ABCG2: variants seen among roughly 807,000 people sequenced by gnomAD.
ABCG2 encodes broad substrate specificity ATP-binding cassette transporter ABCG2.
ABCG2 carries 80 observed loss-of-function variants against 73.5 expected under a neutral mutation model. That is an observed-to-expected ratio of 1.09 (90% CI 0.91 to 1.31). The LOEUF (loss-of-function observed/expected upper bound fraction) is 1.31. Among genes scored for constraint, ABCG2 ranks in the 50% most tolerant of loss-of-function variants. The pLI, the probability that ABCG2 is intolerant of heterozygous loss-of-function variation, is 0.00. For missense variants in ABCG2, 796 were observed against 786.2 expected (o/e 1.01, Z -0.15); for synonymous variants, 269 against 282.4 (o/e 0.95, Z 0.48).
At chr4:88,125,141 A>C (rs1488860151) in intron 5 of ABCG2, among the ~76,000 whole-genome samples, 5 of 151,288 alleles carry the variant, frequency 3.3e-5, no homozygotes, top group Non-Finnish European at 4.4e-5. Context: ...AAATACAAAA[A>C]ATTAGCTGGG....
chr4:88,143,342 T>C (rs1725768545), intron 1 of ABCG2, among the ~76,000 whole-genome samples: 1 of 152,170 alleles, frequency 6.6e-6, no homozygotes, highest in African/African-American at 2.4e-5. Flanking sequence ...AGCAATCACT[T>C]CTTCTACTGC....
intron 1 of ABCG2, among the ~76,000 whole-genome samples, chr4:88,230,715 C>A (rs1195221884): frequency 6.6e-6 from 1 of 152,120 alleles, no homozygotes; most frequent in Admixed American, 6.5e-5. Context: ...CAATGCCCAA[C>A]CCCTTCCAAA....
intron 1 of ABCG2, among the ~76,000 whole-genome samples, chr4:88,208,780 T>G (rs1014855002): frequency 1.3e-5 from 2 of 152,204 alleles, no homozygotes; most frequent in Admixed American, 6.5e-5. Flanking sequence ...ATTGAATCCA[T>G]AAATATGGCC....
Position 88,125,619 on chromosome 4 carries a change from A to C in ABCG2, c.532-3827T>G, listed in dbSNP as rs1231968235. On this transcript the variant is annotated intron_variant, in intron 5 of 15. Coordinates refer to ENST00000237612, the MANE Select transcript of ABCG2 (RefSeq NM_004827.3). Reference sequence around the variant, plus strand: ...CAAGACTCTGTCTCAAAAAAAAAAAAAAAAAAAAAAAAAAAAACTGTAGAA... The same window carrying C: ...CAAGACTCTGTCTCAAAAAAAAAAACAAAAAAAAAAAAAAAAACTGTAGAA... Among the ~76,000 whole-genome samples, 347 of 148,276 alleles carry C rather than the reference A, an allele frequency of 2.3e-3. 1 individual carries two copies. Among genetic ancestry groups the C allele is most frequent in the Admixed American group, 3.3e-3 (50 of 14,968 alleles).
At chr4:88,202,350 T>TATATATATATATATATATATATATA (rs1553945697) in intron 1 of ABCG2, among the ~76,000 whole-genome samples, 4 of 35,390 alleles carry the variant, frequency 1.1e-4, no homozygotes, top group Non-Finnish European at 1.9e-4. Flanking sequence ...ATCTCTACAA[T>TATATATATATATATATATATATATA]TATTTATATA....
chr4:88,129,051 A>C (rs1724646290), intron 5 of ABCG2, among the ~76,000 whole-genome samples: 1 of 152,218 alleles, frequency 6.6e-6, no homozygotes, highest in African/African-American at 2.4e-5. Flanking sequence ...AGATAAAGTC[A>C]GGAGAAGAAA....
intron 1 of ABCG2, among the ~76,000 whole-genome samples, chr4:88,188,358 C>T (rs76014515): frequency 0.041 from 6,294 of 151,910 alleles, 192 homozygotes; most frequent in South Asian, 0.072. Context: ...TATGCCCATA[C>T]GACACTATTT....
chr4:88,123,508 G>A (rs1449100712), intron 5 of ABCG2, among the ~76,000 whole-genome samples: 2 of 151,918 alleles, frequency 1.3e-5, no homozygotes, highest in Admixed American at 6.6e-5. Flanking sequence ...CAAGAACTTC[G>A]TGAAGCAAAC....
At chr4:88,212,123 A>C (rs1729627263) in intron 1 of ABCG2, among the ~76,000 whole-genome samples, 1 of 152,066 alleles carries the variant, frequency 6.6e-6, no homozygotes, top group African/African-American at 2.4e-5. Flanking sequence ...TTAGGTGAAA[A>C]CCAAAAGTAA....
At chr4:88,125,291 C>CAA (rs1054771193) in intron 5 of ABCG2, among the ~76,000 whole-genome samples, 1 of 120,822 alleles carries the variant, frequency 8.3e-6, no homozygotes, top group Non-Finnish European at 1.7e-5. Flanking sequence ...GACTCTGTCT[C>CAA]AAAAAAAAAA....
At chr4:88,202,598 G>A (rs1398652589) in intron 1 of ABCG2, among the ~76,000 whole-genome samples, 1 of 151,648 alleles carries the variant, frequency 6.6e-6, no homozygotes, top group Non-Finnish European at 1.5e-5. Flanking sequence ...TACCACCCGG[G>A]AACAGGAGCG....
At chr4:88,182,613 A>G (rs1728302673) in intron 1 of ABCG2, among the ~76,000 whole-genome samples, 1 of 152,202 alleles carries the variant, frequency 6.6e-6, no homozygotes, top group Non-Finnish European at 1.5e-5. Context: ...TGGAAACTAT[A>G]CAAACACATG....
intron 1 of ABCG2, among the ~76,000 whole-genome samples, chr4:88,225,513 T>C (rs1335729023): frequency 6.6e-6 from 1 of 152,236 alleles, no homozygotes; most frequent in Non-Finnish European, 1.5e-5. Flanking sequence ...GGATTTCATC[T>C]ATTCTTTACC....
chr4:88,097,280 A>G (rs544547022), intron 13 of ABCG2, among the ~76,000 whole-genome samples, 173 bp downstream of exon 13: 28 of 152,240 alleles, frequency 1.8e-4, no homozygotes, highest in Non-Finnish European at 4.0e-4. Flanking sequence ...GATAAGGGCA[A>G]AGAGGAAAGT....
chr4:88,092,263 T>A lies in ABCG2; in HGVS notation c.1939A>T (p.Lys647Ter). 6.2e-7 allele frequency: 1 copy of A among 1,610,560 alleles called. No homozygotes were observed. Among genetic ancestry groups the A allele is most frequent in the African/African-American group, 1.3e-5 (1 of 74,960 alleles). ...IVIFLTIAYL[K>*]LLFLKKYS ...GAATATTTTTTAAGAAATAACAATT[T>A]CAGGTAGGCAATTGTGAGGAAAATA... The change falls in exon 16 of 16, where the codon AAA (lysine) becomes TAA (stop). Residue 647 changes from lysine to a stop codon, truncating the protein, a stop_gained. Coordinates refer to ENST00000237612, the MANE Select transcript of ABCG2 (RefSeq NM_004827.3). LOFTEE classifies it high-confidence loss of function.
intron 9 of ABCG2, among the ~76,000 whole-genome samples, chr4:88,112,156 G>A (rs1482120451): frequency 6.6e-6 from 1 of 151,560 alleles, no homozygotes; most frequent in Non-Finnish European, 1.5e-5. Flanking sequence ...AACTATCACA[G>A]AGCCAACCAA....
chr4:88,153,615 C>G (rs1036403632), intron 1 of ABCG2, among the ~76,000 whole-genome samples: 9 of 151,400 alleles, frequency 5.9e-5, no homozygotes, highest in African/African-American at 1.9e-4. Flanking sequence ...TAATAAAGGC[C>G]GGTCCTCTAT....
At chr4:88,132,540 C>A (rs917456945) in intron 3 of ABCG2, 36 bp downstream of exon 3, 26 of 1,610,674 alleles carry the variant, frequency 1.6e-5, no homozygotes, top group Non-Finnish European at 2.2e-5. Context: ...ATTAAAAGTG[C>A]ACAGAAAACG....
At chr4:88,139,772 T>G in intron 2 of ABCG2, 21 bp downstream of exon 2, 2 of 1,602,646 alleles carry the variant, frequency 1.2e-6, no homozygotes, top group Non-Finnish European at 1.7e-6. Flanking sequence ...AAGCTGTCTT[T>G]TTACAAGTTC....
Sources: gnomAD v4.1 joint callset for allele counts (sites outside exome capture counted in the v4.1 genomes callset) on GRCh38, gnomAD v4.1.1 for gene constraint, MANE v1.5 for transcripts, NCBI Gene and HGNC (gene_info 2026-07-23, HGNC 2026-07-21) for gene names.